The following AKAP6 variants were observed in gnomAD, a reference collection of about 807,000 sequenced individuals.
The protein encoded by AKAP6 is A-kinase anchor protein 6.
Under a neutral mutation model 188.5 loss-of-function variants are expected in AKAP6, and 58 were observed. The observed-to-expected ratio is 0.31, with a 90% CI of 0.25 to 0.38. AKAP6 has a LOEUF of 0.38. Among genes scored for constraint, AKAP6 ranks in the 10% least tolerant of loss-of-function variants. The pLI is 1.00. For missense variants in AKAP6, 2,710 were observed against 2,740.0 expected, an observed-to-expected ratio of 0.99 and a Z score of 0.24; for synonymous variants, 989 against 998.6, an observed-to-expected ratio of 0.99 and a Z score of 0.18.
chr14:32,696,026 G>A lies in AKAP6; in HGVS notation c.2916G>A (p.Trp972Ter). 1 of 1,612,960 alleles carries A rather than the reference G, an allele frequency of 6.2e-7. No individual in the cohort carries two copies. The highest frequency in any genetic ancestry group is 2.2e-5 in the East Asian group (1 of 44,810). The change falls in exon 9 of 14, where the codon TGG (tryptophan) becomes TGA (stop). Residue 972 changes from tryptophan to a stop codon, truncating the protein, a stop_gained. Transcript: ENST00000280979. LOFTEE classifies it high-confidence loss of function. ...TTGATTCAGAATATCAGGAGCTCTG[G>A]GATTGGCTGATTGACATGGAGTCCC... ...LDFDSEYQEL[W>*]DWLIDMESLV... is the part of the protein sequence containing the mutation.
chr14:32,664,193 GAATAT>G (rs1273447830), intron 7 of AKAP6, among the ~76,000 whole-genome samples: 9 of 152,216 alleles, frequency 5.9e-5, no homozygotes. Context: ...AGTCTCCTCT[GAATAT>G]AATAGCAAAG....
At chr14:32,383,378 T>G (rs1009661005) in intron 1 of AKAP6, among the ~76,000 whole-genome samples, 7 of 152,128 alleles carry the variant, frequency 4.6e-5, no homozygotes, top group Non-Finnish European at 2.9e-5. Context: ...TAATCTAGTC[T>G]GAAAAAGTGG....
At chr14:32,521,383 G>A (rs1189797032) in intron 2 of AKAP6, among the ~76,000 whole-genome samples, 2 of 152,178 alleles carry the variant, frequency 1.3e-5, no homozygotes, top group African/African-American at 4.8e-5. Flanking sequence ...ATTAGGAAAA[G>A]AGGAAGTCAA....
chr14:32,819,717 A>G (rs1311388712), intron 12 of AKAP6, among the ~76,000 whole-genome samples: 1 of 152,140 alleles, frequency 6.6e-6, no homozygotes, highest in Non-Finnish European at 1.5e-5. Context: ...TGGGAGGCCA[A>G]AGTGGGAGGA....
chr14:32,659,320 C>A (rs1393312652), intron 7 of AKAP6, among the ~76,000 whole-genome samples: 1 of 152,088 alleles, frequency 6.6e-6, no homozygotes, highest in Non-Finnish European at 1.5e-5. Context: ...AACCAAAGAA[C>A]ATGTGTTTGT....
chr14:32,343,746 CAAAAAAAAAAAAA>C (rs56376110), intron 1 of AKAP6, among the ~76,000 whole-genome samples: 3 of 37,266 alleles, frequency 8.1e-5, no homozygotes, highest in African/African-American at 1.9e-4. Flanking sequence ...GATTCCGTCT[CAAAAAAAAAAAAA>C]AAAAAAAAAA....
intron 1 of AKAP6, among the ~76,000 whole-genome samples, chr14:32,384,085 C>T (rs1010984296): frequency 1.3e-5 from 2 of 152,086 alleles, no homozygotes; most frequent in African/African-American, 4.8e-5. Flanking sequence ...ATTAGGAGCA[C>T]CTGATTAAGA....
intron 12 of AKAP6, among the ~76,000 whole-genome samples, chr14:32,780,530 A>G (rs1290329073): frequency 6.6e-6 from 1 of 152,214 alleles, no homozygotes; most frequent in Non-Finnish European, 1.5e-5. Context: ...TGTCGTACAC[A>G]ATATATACAT....
chr14:32,725,035 C>T (rs548427732), intron 9 of AKAP6, among the ~76,000 whole-genome samples: 1 of 91,728 alleles, frequency 1.1e-5, no homozygotes, highest in Non-Finnish European at 2.2e-5. Context: ...CCTGAATAGA[C>T]AGGCTGACAA....
chr14:32,688,316 T>C (rs143605813), intron 8 of AKAP6, among the ~76,000 whole-genome samples: 1 of 152,206 alleles, frequency 6.6e-6, no homozygotes, highest in East Asian at 1.9e-4. Context: ...ATACTGAGGT[T>C]AGCTCTTTTC....
intron 7 of AKAP6, among the ~76,000 whole-genome samples, chr14:32,669,450 A>C (rs1889085294): frequency 6.6e-6 from 1 of 152,212 alleles, no homozygotes; most frequent in Admixed American, 6.5e-5. Context: ...GTGCACTTAG[A>C]ATAAGGTGAG....
chr14:32,780,687 A>G (rs1214580635), intron 12 of AKAP6, among the ~76,000 whole-genome samples: 1 of 152,216 alleles, frequency 6.6e-6, no homozygotes, highest in African/African-American at 2.4e-5. Flanking sequence ...CTGTAAGCCC[A>G]GCACTTTGGG....
At chr14:32,380,698 T>C (rs1437514049) in intron 1 of AKAP6, among the ~76,000 whole-genome samples, 3 of 152,190 alleles carry the variant, frequency 2.0e-5, no homozygotes, top group Non-Finnish European at 2.9e-5. Context: ...CTGGTCCTTA[T>C]TGATTTCCCC....
chr14:32,758,015 A>G (rs2032403190), intron 11 of AKAP6, among the ~76,000 whole-genome samples: 1 of 152,196 alleles, frequency 6.6e-6, no homozygotes, highest in African/African-American at 2.4e-5. Context: ...ATGTGTACTT[A>G]TGAGTCTGTG....
At chr14:32,794,506 G>T (rs2033704547) in intron 12 of AKAP6, among the ~76,000 whole-genome samples, 1 of 152,192 alleles carries the variant, frequency 6.6e-6, no homozygotes, top group African/African-American at 2.4e-5. Context: ...ATTGCAGTGA[G>T]CTGAGATTGC....
At chr14:32,544,969 G>A (rs1883128497) in intron 3 of AKAP6, among the ~76,000 whole-genome samples, 1 of 152,132 alleles carries the variant, frequency 6.6e-6, no homozygotes, top group Non-Finnish European at 1.5e-5. Context: ...GTCAAGAATG[G>A]ATTTTTTTGG....
At chr14:32,826,176 CA>C (rs2034668736) in intron 13 of AKAP6, among the ~76,000 whole-genome samples, 2 of 151,840 alleles carry the variant, frequency 1.3e-5, no homozygotes, top group African/African-American at 4.8e-5. Flanking sequence ...TAAGGGGGGG[CA>C]TCTATACCAT....
At chr14:32,465,229 A>G (rs1658252993) in intron 2 of AKAP6, among the ~76,000 whole-genome samples, 1 of 152,192 alleles carries the variant, frequency 6.6e-6, no homozygotes, top group South Asian at 2.1e-4. Context: ...GCAGAATTAG[A>G]AAAAACTACT....
intron 7 of AKAP6, among the ~76,000 whole-genome samples, chr14:32,618,601 GGGTACTTAGGTT>G (rs1886684466): frequency 6.6e-6 from 1 of 152,154 alleles, no homozygotes; most frequent in South Asian, 2.1e-4. Context: ...ATTGGTTGAT[GGGTACTTAGGTT>G]GGTTCCATAT....
Sources: allele counts gnomAD v4.1 joint callset (sites outside exome capture counted in the v4.1 genomes callset), GRCh38; gene constraint gnomAD v4.1.1; transcripts MANE v1.5; gene names NCBI Gene and HGNC (gene_info 2026-07-23, HGNC 2026-07-21).